The following LMO2 variants were observed in gnomAD, a reference collection of about 807,000 sequenced individuals.
LMO2 encodes LIM domain only 2, also known as rhombotin-2.
Under a neutral mutation model 23.2 loss-of-function variants are expected in LMO2, and 20 were observed. The observed-to-expected ratio is 0.86, with a 90% confidence interval of 0.61 to 1.25. The LOEUF (loss-of-function observed/expected upper bound fraction) is 1.25. Ranked by LOEUF, LMO2 falls within the 50% of genes most tolerant of loss-of-function variation. The pLI is 0.00. For synonymous variants in LMO2, 123 were observed against 130.2 expected (o/e 0.94, Z 0.38); for missense variants, 270 against 315.3 (o/e 0.86, Z 1.09).
chr11:33,873,762 A>T (rs1271618748), intron 2 of LMO2, among the ~76,000 whole-genome samples: 1 of 152,148 alleles, frequency 6.6e-6, no homozygotes, highest in East Asian at 1.9e-4. Flanking sequence ...AGAAGAATGA[A>T]TCAATCTACA....
Position 33,859,297 on chromosome 11 carries a change from A to G in LMO2, c.*59T>C, listed in dbSNP as rs879002972. The G allele has an allele frequency of 1.4e-4, 180 of 1,304,768 alleles. 3 individuals carry two copies. In the South Asian group the frequency reaches 2.1e-3, roughly 15 times the overall value. 80.8% of individuals were successfully genotyped at this position (1,304,768 alleles called of 1,614,324 possible). On this transcript the variant is annotated 3_prime_UTR_variant, in exon 6 of 6. Coordinates refer to ENST00000257818, the MANE Select transcript of LMO2 (RefSeq NM_005574.4). ...AAAGTGCCTAAGAGTGAAGACGAAG[A>G]TGCCATGGAGACGGCGTCTTCAGTG...
At chr11:33,883,232 T>G (rs1477566506) in intron 1 of LMO2, among the ~76,000 whole-genome samples, 1 of 152,210 alleles carries the variant, frequency 6.6e-6, no homozygotes, top group Non-Finnish European at 1.5e-5. Flanking sequence ...AACATATTTA[T>G]TAGATAAGTT....
chr11:33,873,605 T>C (rs1181336816), intron 2 of LMO2, among the ~76,000 whole-genome samples: 6 of 152,202 alleles, frequency 3.9e-5, no homozygotes, highest in Non-Finnish European at 1.5e-5. Context: ...AAACGGTTCT[T>C]TTAAAAGTTG....
intron 2 of LMO2, among the ~76,000 whole-genome samples, chr11:33,871,985 CG>C (rs1209132667): frequency 6.6e-6 from 1 of 152,046 alleles, no homozygotes; most frequent in East Asian, 1.9e-4. Context: ...GTATCCTGGC[CG>C]GGCTCGGTGG....
intron 3 of LMO2, 29 bp downstream of exon 3, chr11:33,869,681 G>T: frequency 7.9e-7 from 1 of 1,271,048 alleles, no homozygotes; most frequent in Non-Finnish European, 1.0e-6. Context: ...CCAGGCGGCT[G>T]CAGCTGCTGC....
At chr11:33,883,782 A>G (rs1262481799) in intron 1 of LMO2, among the ~76,000 whole-genome samples, 1 of 152,188 alleles carries the variant, frequency 6.6e-6, no homozygotes, top group East Asian at 1.9e-4. Context: ...TGGGTGATGA[A>G]ACTGAGTCAC....
chr11:33,859,759 A>C (rs1475978692), intron 5 of LMO2, among the ~76,000 whole-genome samples, 184 bp from the exon 6 acceptor site: 1 of 152,052 alleles, frequency 6.6e-6, no homozygotes, highest in African/African-American at 2.4e-5. Flanking sequence ...ACTCAGATGA[A>C]ACTGGCATTT....
intron 4 of LMO2, among the ~76,000 whole-genome samples, chr11:33,868,515 T>C (rs1440596925): frequency 6.6e-6 from 1 of 152,112 alleles, no homozygotes; most frequent in East Asian, 1.9e-4. Flanking sequence ...TTACTCCCCA[T>C]GTTAACGCTG....
chr11:33,872,562 T>C (rs1450536655), intron 2 of LMO2, among the ~76,000 whole-genome samples: 3 of 152,178 alleles, frequency 2.0e-5, no homozygotes, highest in African/African-American at 7.2e-5. Flanking sequence ...GAAATTAAAT[T>C]TAAAGGTGAA....
chr11:33,874,167 C>T (rs1195035687), intron 2 of LMO2, among the ~76,000 whole-genome samples: 1 of 152,164 alleles, frequency 6.6e-6, no homozygotes, highest in African/African-American at 2.4e-5. Context: ...ATCCTGTGCT[C>T]AGACTCATTT....
At position 33,864,796 on chromosome 11, in the gene LMO2, C is replaced by A. The variant is rs765050940; in HGVS notation, c.270G>T (p.Leu90=). ...DPSEEPVDEV[L]QIPPSLLTCG... ...ATGTCAGCAGGGATGGGGGGATCTG[C>A]AGCACCTCATCCACTGGTTCCCTGG... The change falls in exon 5 of 6, where the codon CTG becomes CTT. Residue 90 remains leucine, a synonymous_variant. Transcript: ENST00000257818. This position sits in a 1 kb window ranked among gnomAD's most constrained non-coding sequence, Gnocchi z 4.8. 1 of 1,613,792 alleles carries A rather than the reference C, an allele frequency of 6.2e-7. No homozygotes were observed. Among genetic ancestry groups the A allele is most frequent in the Admixed American group, 1.7e-5 (1 of 60,030 alleles).
chr11:33,864,233 T>C lies in LMO2; in HGVS notation c.464+369A>G, dbSNP rs1856688694. On this transcript the variant is annotated intron_variant, in intron 5 of 5. Transcript: ENST00000257818. This position sits in a 1 kb window ranked among gnomAD's most constrained non-coding sequence, Gnocchi z 4.8. ...TCAAATGAGGTCCTCAGAGCCCACCTCCAAACTTAGAAACACTCCCAGTCC... is the reference window on the plus strand; with the variant it reads ...TCAAATGAGGTCCTCAGAGCCCACCCCCAAACTTAGAAACACTCCCAGTCC... 6.6e-6 allele frequency among the ~76,000 whole-genome samples: 1 copy of C among 152,104 alleles called. No homozygotes were observed. Among genetic ancestry groups the C allele is most frequent in the Admixed American group, 6.6e-5 (1 of 15,244 alleles).
chr11:33,865,025 C>G, intron 4 of LMO2: 1 of 614,058 alleles, frequency 1.6e-6, no homozygotes, highest in South Asian at 1.9e-5. Context: ...ACCTTACTCC[C>G]TAGATGTCTA....
In LMO2 at chr11:33,891,791, T is replaced by C. The variant is rs1857561517; in HGVS notation, c.-336+4A>G. The C allele has an allele frequency of 6.6e-6, 1 of 152,238 alleles. No individual in the cohort carries two copies. Among genetic ancestry groups the C allele is most frequent in the South Asian group, 2.1e-4 (1 of 4,830 alleles). The allele number at this position is 152,238 out of a possible 1,614,324, so 9.4% of individuals were successfully genotyped here. A position where few individuals can be genotyped will look rare whatever the true frequency, so the allele number is the denominator to read the frequency against. Reference sequence around the variant, plus strand: ...TCATCAGAGAATTAATGAAGCCTACTCACCAGCAGATGATGTAATCCTGGT... The same window carrying C: ...TCATCAGAGAATTAATGAAGCCTACCCACCAGCAGATGATGTAATCCTGGT... On this transcript the variant is annotated splice_donor_region_variant and intron_variant, in intron 1 of 5. Transcript: ENST00000257818.
chr11:33,879,140 G>A (rs1857203364), intron 2 of LMO2, among the ~76,000 whole-genome samples: 1 of 152,098 alleles, frequency 6.6e-6, no homozygotes, highest in Admixed American at 6.5e-5. Flanking sequence ...TCATGACATT[G>A]GATTTAGCAA....
chr11:33,869,291 C>T (rs1030644628), intron 4 of LMO2, 55 bp downstream of exon 4: 26 of 1,110,518 alleles, frequency 2.3e-5, no homozygotes, highest in Admixed American at 5.1e-5. Flanking sequence ...CCCGACGCTC[C>T]GGGACGCGAG....
At chr11:33,868,504 C>CT (rs969388494) in intron 4 of LMO2, among the ~76,000 whole-genome samples, 3 of 152,150 alleles carry the variant, frequency 2.0e-5, no homozygotes, top group Non-Finnish European at 4.4e-5. Context: ...TTAAACACCC[C>CT]TTACTCCCCA....
At chr11:33,884,690 C>T (rs1402584793) in intron 1 of LMO2, among the ~76,000 whole-genome samples, 1 of 152,186 alleles carries the variant, frequency 6.6e-6, no homozygotes, top group East Asian at 1.9e-4. Context: ...TTCAGAGTAC[C>T]ACATGTAGAA....
rs1175339656 is a variant in LMO2 at position 33,880,164 on chromosome 11, T to TGATATATATATATCATATATACAC, written c.-272+1659_-272+1660insGTGTATATATGATATATATATATC. Among the ~76,000 whole-genome samples, 1 of 36,452 alleles carries TGATATATATATATCATATATACAC rather than the reference T, an allele frequency of 2.7e-5. No homozygotes were observed. 23.9% of individuals were successfully genotyped at this position (36,452 alleles called of 152,430 possible). A position where few individuals can be genotyped will look rare whatever the true frequency, so the allele number is the denominator to read the frequency against. On this transcript the variant is annotated intron_variant, in intron 2 of 5. Coordinates refer to ENST00000257818, the MANE Select transcript of LMO2 (RefSeq NM_005574.4). The surrounding 1 kb of genome is among the most constrained non-coding windows in gnomAD (Gnocchi z 4.3). ...TATTTTATGTGTACATATATATACA[T>TGATATATATATATCATATATACAC]ATGATATATACACATGATATATATA...
Sources: gnomAD v4.1 joint callset for allele counts (sites outside exome capture counted in the v4.1 genomes callset) on GRCh38, gnomAD v4.1.1 for gene constraint, Gnocchi (gnomAD v3.1) non-coding constraint, MANE v1.5 for transcripts, NCBI Gene and HGNC (gene_info 2026-07-23, HGNC 2026-07-21) for gene names.